Variants in SAMD4A observed in about 807,000 individuals in gnomAD.
SAMD4A encodes sterile alpha motif domain containing 4A, also known as protein Smaug homolog 1.
Under a neutral mutation model 81.3 loss-of-function variants are expected in SAMD4A, and 33 were observed. That is an observed-to-expected ratio of 0.41 (90% CI 0.31 to 0.54). SAMD4A has a LOEUF of 0.54. Among genes scored for constraint, SAMD4A ranks in the 20% least tolerant of loss-of-function variants. The pLI is 0.37. For synonymous variants in SAMD4A, 389 were observed against 382.1 expected, an observed-to-expected ratio of 1.02 and a Z score of -0.21; for missense variants, 854 against 951.1, an observed-to-expected ratio of 0.90 and a Z score of 1.34.
chr14:54,751,030 G>A (rs2038088988), intron 5 of SAMD4A, among the ~76,000 whole-genome samples: 1 of 152,234 alleles, frequency 6.6e-6, no homozygotes, highest in South Asian at 2.1e-4. Context: ...GGGAGGCTGA[G>A]GTGGGAAGAT....
At chr14:54,720,152 A>G (rs980647499) in intron 3 of SAMD4A, among the ~76,000 whole-genome samples, 7 of 152,174 alleles carry the variant, frequency 4.6e-5, no homozygotes, top group Admixed American at 3.3e-4. Flanking sequence ...GATCTCTGCT[A>G]TCATATTTTC....
At chr14:54,574,413 C>A (rs897496180) in intron 2 of SAMD4A, among the ~76,000 whole-genome samples, 8 of 152,130 alleles carry the variant, frequency 5.3e-5, no homozygotes, top group Non-Finnish European at 7.3e-5. Context: ...GTTGTAGTAC[C>A]TCAAATGCCA....
chr14:54,712,990 C>A (rs1482565749), intron 3 of SAMD4A, among the ~76,000 whole-genome samples: 1 of 152,114 alleles, frequency 6.6e-6, no homozygotes, highest in Non-Finnish European at 1.5e-5. Flanking sequence ...TTCTGTAAGA[C>A]CCTTTTTGAG....
chr14:54,722,319 T>G (rs7148283), intron 3 of SAMD4A, among the ~76,000 whole-genome samples: 1 of 152,122 alleles, frequency 6.6e-6, no homozygotes, highest in Non-Finnish European at 1.5e-5. Flanking sequence ...TGTGACAGCT[T>G]TGGTTCTGGA....
At chr14:54,594,345 C>T (rs2033858421) in intron 2 of SAMD4A, among the ~76,000 whole-genome samples, 1 of 151,964 alleles carries the variant, frequency 6.6e-6, no homozygotes. Flanking sequence ...ATTGCTTGAG[C>T]CCAGGAGATC....
intron 2 of SAMD4A, among the ~76,000 whole-genome samples, chr14:54,670,097 T>C (rs1374126955): frequency 6.6e-6 from 1 of 152,202 alleles, no homozygotes; most frequent in Non-Finnish European, 1.5e-5. Flanking sequence ...GAGTGATGTA[T>C]CCTTTCTTCC....
intron 2 of SAMD4A, among the ~76,000 whole-genome samples, chr14:54,651,213 T>G (rs1274751117): frequency 6.6e-6 from 1 of 152,230 alleles, no homozygotes; most frequent in Non-Finnish European, 1.5e-5. Flanking sequence ...CTTCTTTTAC[T>G]CGACTCAGAA....
chr14:54,716,297 G>A (rs1419194870), intron 3 of SAMD4A, among the ~76,000 whole-genome samples: 2 of 152,152 alleles, frequency 1.3e-5, no homozygotes, highest in Non-Finnish European at 2.9e-5. Context: ...CCAGGTTCTT[G>A]AGAGGCCTCG....
intron 2 of SAMD4A, among the ~76,000 whole-genome samples, chr14:54,656,559 G>A (rs2035524792): frequency 6.6e-6 from 1 of 152,200 alleles, no homozygotes; most frequent in African/African-American, 2.4e-5. Context: ...TACTTACACA[G>A]TTGTTCTTTA....
At position 54,790,992 on chromosome 14, in the gene SAMD4A, AG is replaced by A. The variant is rs916130439; in HGVS notation, c.*2050del. 4 of 152,242 alleles carry A rather than the reference AG, an allele frequency of 2.6e-5. No individual in the cohort carries two copies. The highest frequency in any genetic ancestry group is 9.6e-5 in the African/African-American group (4 of 41,552). The allele number at this position is 152,242 out of a possible 1,614,324, so 9.4% of individuals were successfully genotyped here. A position where few individuals can be genotyped will look rare whatever the true frequency, so the allele number is the denominator to read the frequency against. On this transcript the variant is annotated 3_prime_UTR_variant, in exon 13 of 13. Coordinates refer to ENST00000554335, the MANE Select transcript of SAMD4A (RefSeq NM_015589.6). ...TTTCATTCGCTGAATTAAAAAAAAA[AG>A]GTTCAGACCTCTCCTTGGGTGACTA...
intron 2 of SAMD4A, among the ~76,000 whole-genome samples, chr14:54,652,169 G>T (rs569757964): frequency 3.9e-5 from 6 of 152,180 alleles, no homozygotes; most frequent in Non-Finnish European, 8.8e-5. Flanking sequence ...CCAAAATCTT[G>T]TTTCAGTAGC....
At chr14:54,663,496 T>C (rs2035688462) in intron 2 of SAMD4A, among the ~76,000 whole-genome samples, 1 of 152,242 alleles carries the variant, frequency 6.6e-6, no homozygotes, top group South Asian at 2.1e-4. Flanking sequence ...TTCCGTCAGG[T>C]AAGTATACAT....
intron 2 of SAMD4A, among the ~76,000 whole-genome samples, chr14:54,675,988 T>A (rs889784408): frequency 4.6e-5 from 7 of 152,340 alleles, no homozygotes; most frequent in Non-Finnish European, 8.8e-5. Flanking sequence ...GAGGGCTCCC[T>A]TAAATTAGCT....
intron 2 of SAMD4A, among the ~76,000 whole-genome samples, chr14:54,647,641 T>C (rs2035314794): frequency 6.6e-6 from 1 of 152,208 alleles, no homozygotes; most frequent in Admixed American, 6.5e-5. Context: ...AGGGAAGTCA[T>C]GTTTATGTGG....
chr14:54,737,561 T>TTTTTTTTTTTTTTTTTTTTTTG lies in SAMD4A; in HGVS notation c.979+274_979+275insTTTTTTTTTTTTTTTTTTTTTG, dbSNP rs34263162. 6.5e-5 allele frequency among the ~76,000 whole-genome samples: 8 copies of TTTTTTTTTTTTTTTTTTTTTTG among 122,650 alleles called. 1 individual carries two copies. The highest frequency in any genetic ancestry group is 9.4e-5 in the Admixed American group (1 of 10,632). The allele number at this position is 122,650 out of a possible 152,430, so 80.5% of individuals were successfully genotyped here. A position where few individuals can be genotyped will look rare whatever the true frequency, so the allele number is the denominator to read the frequency against. On this transcript the variant is annotated intron_variant, in intron 4 of 12. Coordinates refer to ENST00000554335, the MANE Select transcript of SAMD4A (RefSeq NM_015589.6). ...CTCTCTCTTTTTTTTTTTTTTTTTT[T>TTTTTTTTTTTTTTTTTTTTTTG]GCATTGCAGTGACTTGTAGACCATT... is the stretch of plus-strand genomic sequence containing the variant.
At chr14:54,780,484 G>A (rs2038972563) in intron 11 of SAMD4A, among the ~76,000 whole-genome samples, 1 of 152,178 alleles carries the variant, frequency 6.6e-6, no homozygotes, top group Non-Finnish European at 1.5e-5. Flanking sequence ...GGTGTGGAAG[G>A]GGCTGCCATG....
intron 3 of SAMD4A, 108 bp downstream of exon 3, chr14:54,702,688 G>A (rs2036750710): frequency 1.5e-6 from 2 of 1,327,912 alleles, no homozygotes; most frequent in Non-Finnish European, 2.1e-6. Flanking sequence ...CCCTGGGAGA[G>A]AAGGACTGAT....
intron 4 of SAMD4A, among the ~76,000 whole-genome samples, chr14:54,746,036 C>T (rs1276286581): frequency 6.6e-6 from 1 of 152,214 alleles, no homozygotes; most frequent in African/African-American, 2.4e-5. Flanking sequence ...CCCTGGCCAA[C>T]AGCTTACAGA....
intron 2 of SAMD4A, among the ~76,000 whole-genome samples, chr14:54,675,886 G>A (rs2035983208): frequency 6.6e-6 from 1 of 152,210 alleles, no homozygotes; most frequent in Non-Finnish European, 1.5e-5. Flanking sequence ...CCTTGCTCGT[G>A]AGGTTTGGAA....
Sources: allele counts gnomAD v4.1 joint callset (sites outside exome capture counted in the v4.1 genomes callset), GRCh38; gene constraint gnomAD v4.1.1; transcripts MANE v1.5; gene names NCBI Gene and HGNC (gene_info 2026-07-23, HGNC 2026-07-21).